Variants in PTPRF observed in about 807,000 individuals in gnomAD.
The protein encoded by PTPRF is receptor-type tyrosine-protein phosphatase F.
A neutral mutation model predicts 201.8 loss-of-function variants in PTPRF; 59 were observed. That is an observed-to-expected ratio of 0.29 (90% CI 0.24 to 0.36). PTPRF has a LOEUF of 0.36. Ranked by LOEUF, PTPRF falls within the 10% of genes least tolerant of loss-of-function variation. The probability of loss-of-function intolerance (pLI) is 1.00; values close to 1 mark genes in which losing one functional copy is unlikely to be tolerated. For synonymous variants in PTPRF, 1,088 were observed against 1,089.7 expected (o/e 1.00, Z 0.03); for missense variants, 2,132 against 2,690.5 (o/e 0.79, Z 4.59).
At chr1:43,525,342 G>C (rs543459294), upstream of PTPRF, 7 of 152,538 alleles carry the variant, frequency 4.6e-5, no homozygotes, top group Admixed American at 2.0e-4. Context: ...AGCCTTCAAG[G>C]GTCGGCCATT....
intron 10 of PTPRF, 92 bp from the exon 11 acceptor site, chr1:43,592,365 C>A: frequency 6.8e-7 from 1 of 1,481,178 alleles, no homozygotes; most frequent in Non-Finnish European, 9.1e-7. Context: ...CGTGGTGGGT[C>A]CAGAGGTGTC....
chr1:43,605,085 C>CG, intron 17 of PTPRF, 85 bp downstream of exon 17: 1 of 1,577,294 alleles, frequency 6.3e-7, no homozygotes, highest in Non-Finnish European at 8.7e-7. Context: ...CATGTGCATC[C>CG]GGCTGTGGAG....
intron 22 of PTPRF, among the ~76,000 whole-genome samples, chr1:43,612,105 G>T (rs1372500763): frequency 6.6e-6 from 1 of 152,172 alleles, no homozygotes; most frequent in Non-Finnish European, 1.5e-5. Context: ...GAGCAGGAGC[G>T]CAGTGTCCCT....
At chr1:43,557,724 G>A (rs1379443608) in intron 5 of PTPRF, among the ~76,000 whole-genome samples, 1 of 152,110 alleles carries the variant, frequency 6.6e-6, no homozygotes, top group Non-Finnish European at 1.5e-5. Context: ...TCTGGGGTGT[G>A]AGAAGTGTCT....
At chr1:43,605,754 C>CAGAGGGG (rs1654942400) in intron 19 of PTPRF, 132 bp downstream of exon 19, 1 of 873,698 alleles carries the variant, frequency 1.1e-6, no homozygotes, top group Non-Finnish European at 1.8e-6. Flanking sequence ...GGCTGGCAGC[C>CAGAGGGG]CGCCCCTCTC....
rs202104795 is a variant in PTPRF, at chr1:43,603,370, C to T, written c.2341-46C>T. Reference sequence around the variant, plus strand: ...TGAGGTCCCTGACAAGGTCTGGCCTCTCCCTGCATTCTTGTGATGGGAACG... The same window carrying T: ...TGAGGTCCCTGACAAGGTCTGGCCTTTCCCTGCATTCTTGTGATGGGAACG... On this transcript the variant is annotated intron_variant, in intron 14 of 33. Coordinates refer to ENST00000359947, the MANE Select transcript of PTPRF (RefSeq NM_002840.5). The surrounding 1 kb of genome is among the most constrained non-coding windows in gnomAD (Gnocchi z 5.8). 1 of 1,558,626 alleles carries T rather than the reference C, an allele frequency of 6.4e-7. No homozygotes were observed. Among genetic ancestry groups the T allele is most frequent in the African/African-American group, 1.4e-5 (1 of 73,828 alleles).
intron 1 of PTPRF, among the ~76,000 whole-genome samples, chr1:43,533,120 C>T (rs1346745805): frequency 6.6e-6 from 1 of 152,146 alleles, no homozygotes; most frequent in East Asian, 1.9e-4. Flanking sequence ...CCTTTTCCAG[C>T]TGCTCTTCCT....
At position 43,530,942 on chromosome 1, in the gene PTPRF, G is replaced by GGCTCCGGCTCC. The variant is rs1643397384; in HGVS notation, c.-273_-272insCTCCGGCTCCG. ...CCAGCTTCGGCTCCGGCTCGGGCTC[G>GGCTCCGGCTCC]GGCTCCGGCTCCGGCTCCGGCTCCG... On this transcript the variant is annotated 5_prime_UTR_variant, in exon 1 of 34. Coordinates refer to ENST00000359947, the MANE Select transcript of PTPRF (RefSeq NM_002840.5). The surrounding 1 kb of genome is among the most constrained non-coding windows in gnomAD (Gnocchi z 4.1). 1.3e-5 allele frequency: 2 copies of GGCTCCGGCTCC among 156,104 alleles called. No homozygotes were observed. Among genetic ancestry groups the GGCTCCGGCTCC allele is most frequent in the African/African-American group, 4.9e-5 (2 of 41,020 alleles). The allele number at this position is 156,104 out of a possible 1,614,324, so 9.7% of individuals were successfully genotyped here. A position where few individuals can be genotyped will look rare whatever the true frequency, so the allele number is the denominator to read the frequency against.
At chr1:43,565,605 T>C (rs547174833) in intron 5 of PTPRF, among the ~76,000 whole-genome samples, 2 of 152,232 alleles carry the variant, frequency 1.3e-5, no homozygotes, top group East Asian at 1.9e-4. Context: ...TATCAGGCCA[T>C]GGCCCTGAGA....
chr1:43,534,206 G>A (rs1393924662), intron 1 of PTPRF, among the ~76,000 whole-genome samples: 3 of 152,216 alleles, frequency 2.0e-5, no homozygotes, highest in South Asian at 2.1e-4. Flanking sequence ...AGATGTGGCA[G>A]ATCACAGAGG....
At chr1:43,607,070 G>T in intron 21 of PTPRF, 102 bp downstream of exon 21, 1 of 1,467,952 alleles carries the variant, frequency 6.8e-7, no homozygotes, top group Admixed American at 1.8e-5. Flanking sequence ...CTTGCATCCT[G>T]GACCCTGAGC....
intron 9 of PTPRF, 79 bp downstream of exon 9, chr1:43,591,632 C>T (rs1182977306): frequency 1.4e-6 from 2 of 1,463,576 alleles, no homozygotes; most frequent in East Asian, 5.0e-5. Flanking sequence ...TTCCCCCTCC[C>T]TCGGCTGTGA....
At chr1:43,566,042 G>A (rs1238574041) in intron 5 of PTPRF, among the ~76,000 whole-genome samples, 1 of 152,238 alleles carries the variant, frequency 6.6e-6, no homozygotes. Context: ...CTGTCCACGT[G>A]TGGGGGACCC....
In PTPRF at chr1:43,553,871, C is replaced by T. The variant is rs1232509363; in HGVS notation, c.309C>T (p.Ala103=). 2.5e-6 allele frequency: 4 copies of T among 1,614,018 alleles called. No individual in the cohort carries two copies. The African/African-American group carries it at 5.3e-5, about 22-fold the overall frequency. ...CATTGCGGGTGCAGCGAGATGAAGC[C>T]ATCTATGAGTGTACAGCTACTAACA... is the stretch of plus-strand genomic sequence containing the variant. ...IQPLRVQRDE[A]IYECTATNSL... is the part of the protein sequence containing the mutation. Residue 103 remains alanine, a synonymous_variant, in exon 5 of 34, where the codon GCC becomes GCT. Transcript: ENST00000359947. This position sits in a 1 kb window ranked among gnomAD's most constrained non-coding sequence, Gnocchi z 4.1.
rs1557734389 is a variant in PTPRF, at chr1:43,569,539, TA to T, written c.380-50del. On this transcript the variant is annotated intron_variant, in intron 5 of 33. Transcript: ENST00000359947. ...GGGGAGGTTACCCCCAGAGGGGTCA[TA>T]GGGGGCAGGCAGAGCCAGCCCTAAT... 3.9e-6 allele frequency: 6 copies of T among 1,528,390 alleles called. No homozygotes were observed. The African/African-American group carries it at 4.1e-5, about 11-fold the overall frequency. The allele number at this position is 1,528,390 out of a possible 1,614,324, so 94.7% of individuals were successfully genotyped here.
intron 5 of PTPRF, among the ~76,000 whole-genome samples, chr1:43,556,371 C>A (rs1207272231): frequency 6.6e-6 from 1 of 152,160 alleles, no homozygotes; most frequent in African/African-American, 2.4e-5. Flanking sequence ...AAGTGATTGT[C>A]CTGCCTCAGC....
At chr1:43,560,378 G>A (rs1485472004) in intron 5 of PTPRF, among the ~76,000 whole-genome samples, 1 of 151,924 alleles carries the variant, frequency 6.6e-6, no homozygotes, top group Non-Finnish European at 1.5e-5. Context: ...TAGTGTATGT[G>A]TGTTGATGTC....
chr1:43,591,027 C>T lies in PTPRF; in HGVS notation c.1005C>T (p.Val335=). 6.2e-7 allele frequency: 1 copy of T among 1,613,978 alleles called. No homozygotes were observed. The highest frequency in any genetic ancestry group is 8.5e-7 in the Non-Finnish European group (1 of 1,179,940). Residue 335 remains valine, a synonymous_variant, in exon 9 of 34, where the codon GTC becomes GTT. Coordinates refer to ENST00000359947, the MANE Select transcript of PTPRF (RefSeq NM_002840.5). ...TGACAGAGACAACTGCCACCAGTGT[C>T]ACCCTCACCTGGGACTCTGGGAACT... ...LVVTETTATS[V]TLTWDSGNSE...
At chr1:43,531,441 T>G in intron 1 of PTPRF, among the ~76,000 whole-genome samples, 1 of 115,168 alleles carries the variant, frequency 8.7e-6, no homozygotes, top group Non-Finnish European at 1.7e-5. Flanking sequence ...GCGTTCTTGC[T>G]CCCCCTCATC....
Sources: allele counts gnomAD v4.1 joint callset (sites outside exome capture counted in the v4.1 genomes callset), GRCh38; gene constraint gnomAD v4.1.1; non-coding constraint Gnocchi (gnomAD v3.1); transcripts MANE v1.5; gene names NCBI Gene and HGNC (gene_info 2026-07-23, HGNC 2026-07-21).